TAF3: variants seen among roughly 807,000 people sequenced by gnomAD.
TAF3 encodes TATA-box binding protein associated factor 3.
TAF3 carries 7 observed loss-of-function variants against 80.6 expected under a neutral mutation model. The observed-to-expected ratio is 0.09, with a 90% CI of 0.05 to 0.16. TAF3 has a LOEUF of 0.16. Among genes scored for constraint, TAF3 ranks in the 10% least tolerant of loss-of-function variants. TAF3 has a pLI of 1.00. For synonymous variants in TAF3, 444 were observed against 446.1 expected (o/e 1.00, Z 0.06); for missense variants, 921 against 1,140.2 (o/e 0.81, Z 2.77).
intron 2 of TAF3, among the ~76,000 whole-genome samples, chr10:7,850,857 G>T (rs944304893): frequency 1.3e-5 from 2 of 152,068 alleles, no homozygotes; most frequent in African/African-American, 4.8e-5. Context: ...TGTCATCTCT[G>T]TGTTTATGGT....
intron 2 of TAF3, among the ~76,000 whole-genome samples, chr10:7,838,397 T>C (rs1305039479): frequency 6.6e-6 from 1 of 152,028 alleles, no homozygotes; most frequent in Non-Finnish European, 1.5e-5. Flanking sequence ...TTTGTTTGTT[T>C]TTGAGACAGA....
At chr10:7,868,056 T>C (rs1165252204) in intron 2 of TAF3, among the ~76,000 whole-genome samples, 1 of 152,054 alleles carries the variant, frequency 6.6e-6, no homozygotes, top group Non-Finnish European at 1.5e-5. Context: ...GTCATCTTCA[T>C]GTTGAGTAGG....
intron 3 of TAF3, among the ~76,000 whole-genome samples, chr10:7,971,452 G>GTT (rs5783006): frequency 6.5e-5 from 9 of 139,312 alleles, no homozygotes; most frequent in African/African-American, 2.4e-4. Context: ...CATATATGGT[G>GTT]TTTTTTTTTT....
In TAF3 at chr10:8,016,083, A is replaced by T. The variant is rs927613854; in HGVS notation, c.*1332A>T. 2 of 152,070 alleles carry T rather than the reference A, an allele frequency of 1.3e-5. No individual in the cohort carries two copies. The highest frequency in any genetic ancestry group is 6.5e-5 in the Admixed American group (1 of 15,272). The allele number at this position is 152,070 out of a possible 1,614,324, so 9.4% of individuals were successfully genotyped here. A position where few individuals can be genotyped will look rare whatever the true frequency, so the allele number is the denominator to read the frequency against. On this transcript the variant is annotated 3_prime_UTR_variant, in exon 7 of 7. Coordinates refer to ENST00000344293, the MANE Select transcript of TAF3 (RefSeq NM_031923.4). ...TATAGATGTCTGAGAGGTAAACCAA[A>T]TATTTTATTTTTAATGTTAAAAAAA...
At chr10:7,952,955 A>T (rs1838097207) in intron 2 of TAF3, among the ~76,000 whole-genome samples, 3 of 152,212 alleles carry the variant, frequency 2.0e-5, no homozygotes, top group South Asian at 4.1e-4. Context: ...CTCATTTAGT[A>T]CTAGAAGATA....
At chr10:7,950,830 G>C (rs1361121469) in intron 2 of TAF3, among the ~76,000 whole-genome samples, 1 of 152,168 alleles carries the variant, frequency 6.6e-6, no homozygotes. Flanking sequence ...TTCTCATTCT[G>C]TGCTTTTGTT....
intron 2 of TAF3, among the ~76,000 whole-genome samples, chr10:7,949,397 T>TTA (rs925755709): frequency 6.6e-6 from 1 of 152,214 alleles, no homozygotes; most frequent in Admixed American, 6.5e-5. Context: ...CCTGGGTGTC[T>TTA]TATATATAAG....
At chr10:7,943,594 C>T (rs1477784818) in intron 2 of TAF3, among the ~76,000 whole-genome samples, 1 of 152,148 alleles carries the variant, frequency 6.6e-6, no homozygotes, top group Non-Finnish European at 1.5e-5. Context: ...TTAAGATGGG[C>T]TTGAAGAATA....
At chr10:7,888,854 C>T (rs1837434153) in intron 2 of TAF3, among the ~76,000 whole-genome samples, 2 of 152,218 alleles carry the variant, frequency 1.3e-5, no homozygotes, top group African/African-American at 4.8e-5. Context: ...AGATTCAAGG[C>T]TCTAAGTAAA....
chr10:7,873,388 T>C (rs1435094911), intron 2 of TAF3, among the ~76,000 whole-genome samples: 1 of 152,248 alleles, frequency 6.6e-6, no homozygotes. Flanking sequence ...TAATGTTTAC[T>C]TAGTGATTTA....
rs781591712 is a variant in TAF3 at position 7,824,442 on chromosome 10, G to A, written c.291G>A (p.Pro97=). 2.5e-5 allele frequency: 41 copies of A among 1,613,974 alleles called. No individual in the cohort carries two copies. The highest frequency in any genetic ancestry group is 1.6e-4 in the Middle Eastern group (1 of 6,084). Residue 97 remains proline (P), a synonymous_variant, in exon 2 of 7, where the codon CCG becomes CCA. Transcript: ENST00000344293. ...CTGTCACCTTCCCACACCAAATTCC[G>A]TCATTTCCTGTTAGCAAGAACAATG... ...IEPVTFPHQI[P]SFPVSKNNVL... is the part of the protein sequence containing the mutation.
chr10:7,871,449 T>G (rs1837265211), intron 2 of TAF3, among the ~76,000 whole-genome samples: 1 of 134,880 alleles, frequency 7.4e-6, no homozygotes, highest in Non-Finnish European at 1.6e-5. Context: ...TTTTTTTTTT[T>G]TTTTTTTTTT....
intron 1 of TAF3, among the ~76,000 whole-genome samples, chr10:7,821,662 A>G (rs917912633): frequency 2.0e-5 from 3 of 152,220 alleles, no homozygotes; most frequent in Non-Finnish European, 4.4e-5. Flanking sequence ...GTGTCACATT[A>G]TATGTTAAAT....
intron 2 of TAF3, among the ~76,000 whole-genome samples, chr10:7,871,453 T>TTTTTTTTTTTTTTTTTTA (rs1837265270): frequency 7.3e-6 from 1 of 136,088 alleles, no homozygotes; most frequent in Non-Finnish European, 1.6e-5. Flanking sequence ...TTTTTTTTTT[T>TTTTTTTTTTTTTTTTTTA]TTTTTTTGAG....
intron 2 of TAF3, among the ~76,000 whole-genome samples, chr10:7,936,703 G>C (rs1045858756): frequency 7.2e-5 from 11 of 152,084 alleles, no homozygotes; most frequent in Non-Finnish European, 1.3e-4. Context: ...AGAGACCACA[G>C]TTTACATTAG....
At chr10:7,953,715 T>C (rs919925148) in intron 2 of TAF3, among the ~76,000 whole-genome samples, 2 of 152,232 alleles carry the variant, frequency 1.3e-5, no homozygotes, top group African/African-American at 4.8e-5. Flanking sequence ...CATGTCTTAT[T>C]TGTCTTTGTA....
intron 2 of TAF3, among the ~76,000 whole-genome samples, chr10:7,936,768 G>A (rs11255450): frequency 6.6e-6 from 1 of 151,934 alleles, no homozygotes; most frequent in East Asian, 1.9e-4. Flanking sequence ...ATAAAGACAT[G>A]TATCTACCAT....
chr10:7,971,699 C>T (rs973521002), intron 3 of TAF3, among the ~76,000 whole-genome samples: 4 of 152,000 alleles, frequency 2.6e-5, no homozygotes, highest in Non-Finnish European at 4.4e-5. Flanking sequence ...AATAAATTTC[C>T]CCTTTAAATC....
rs937973995 is a variant in TAF3, at chr10:8,016,099, G to A, written c.*1348G>A. ...GTAAACCAAATATTTTATTTTTAAT[G>A]TTAAAAAAACATCAAATTTAACTTT... On this transcript the variant is annotated 3_prime_UTR_variant, in exon 7 of 7. Transcript: ENST00000344293. The A allele has an allele frequency of 5.9e-5, 9 of 151,644 alleles. No individual in the cohort carries two copies. Among genetic ancestry groups the A allele is most frequent in the African/African-American group, 2.2e-4 (9 of 41,164 alleles). The allele number at this position is 151,644 out of a possible 1,614,324, so 9.4% of individuals were successfully genotyped here. A position where few individuals can be genotyped will look rare whatever the true frequency, so the allele number is the denominator to read the frequency against.
Sources: gnomAD v4.1 joint callset for allele counts (sites outside exome capture counted in the v4.1 genomes callset) on GRCh38, gnomAD v4.1.1 for gene constraint, MANE v1.5 for transcripts, NCBI Gene and HGNC (gene_info 2026-07-23, HGNC 2026-07-21) for gene names.